The following ATRNL1 variants were observed in gnomAD, a reference collection of about 807,000 sequenced individuals.
ATRNL1 encodes attractin-like protein 1.
In ATRNL1, 95 loss-of-function variants were observed where a neutral mutation model predicts 182.7. The observed-to-expected ratio is 0.52, with a 90% CI of 0.44 to 0.62. The LOEUF (loss-of-function observed/expected upper bound fraction) is 0.62, where lower values mean the gene tolerates loss of function less well. Ranked by LOEUF, ATRNL1 falls within the 20% of genes least tolerant of loss-of-function variation. The probability of loss-of-function intolerance (pLI) is 0.00; values close to 1 mark genes in which losing one functional copy is unlikely to be tolerated. For synonymous variants in ATRNL1, 576 were observed against 568.3 expected (o/e 1.01, Z -0.19); for missense variants, 1,471 against 1,679.5 (o/e 0.88, Z 2.17).
chr10:115,723,126 G>A (rs1339337163), intron 26 of ATRNL1, among the ~76,000 whole-genome samples: 1 of 152,136 alleles, frequency 6.6e-6, no homozygotes, highest in Non-Finnish European at 1.5e-5. Context: ...TCCCAGAAAA[G>A]CATGGAGACA....
At chr10:115,297,394 C>A (rs1853249802) in intron 15 of ATRNL1, among the ~76,000 whole-genome samples, 2 of 152,012 alleles carry the variant, frequency 1.3e-5, no homozygotes, top group South Asian at 2.1e-4. Flanking sequence ...GTAATCCCAG[C>A]ACTTTGGGAG....
intron 5 of ATRNL1, among the ~76,000 whole-genome samples, chr10:115,154,628 G>T (rs750489272): frequency 1.3e-5 from 2 of 152,030 alleles, no homozygotes; most frequent in Non-Finnish European, 2.9e-5. Context: ...CTATCCTGGA[G>T]AACATTTTAT....
At chr10:115,709,368 T>C (rs1468982079) in intron 26 of ATRNL1, among the ~76,000 whole-genome samples, 1 of 151,914 alleles carries the variant, frequency 6.6e-6, no homozygotes, top group Non-Finnish European at 1.5e-5. Flanking sequence ...AGAGCAAATA[T>C]AGTGAACAAA....
At chr10:115,269,663 A>G (rs1470203381) in intron 13 of ATRNL1, among the ~76,000 whole-genome samples, 2 of 152,164 alleles carry the variant, frequency 1.3e-5, no homozygotes, top group Non-Finnish European at 2.9e-5. Flanking sequence ...CTATAGCTTG[A>G]GTAAAAATAA....
chr10:115,347,130 T>C (rs1856012199), intron 19 of ATRNL1, among the ~76,000 whole-genome samples: 1 of 152,196 alleles, frequency 6.6e-6, no homozygotes, highest in African/African-American at 2.4e-5. Context: ...CAAGTTTAGT[T>C]ATTTCACATT....
chr10:115,819,261 G>A (rs1488083550), intron 27 of ATRNL1, among the ~76,000 whole-genome samples: 1 of 151,892 alleles, frequency 6.6e-6, no homozygotes, highest in Non-Finnish European at 1.5e-5. Flanking sequence ...AATGAAGCAT[G>A]TTCAAAATTG....
chr10:115,147,818 A>G (rs1170052642), intron 5 of ATRNL1, among the ~76,000 whole-genome samples: 6 of 152,072 alleles, frequency 3.9e-5, no homozygotes, highest in African/African-American at 9.7e-5. Context: ...TCATTGATCT[A>G]TATGTCTGGT....
chr10:115,435,407 T>C (rs535407019), intron 21 of ATRNL1, among the ~76,000 whole-genome samples: 2 of 152,304 alleles, frequency 1.3e-5, no homozygotes, highest in African/African-American at 4.8e-5. Context: ...TTTGGCCTTC[T>C]GCCATGGGAT....
At chr10:115,874,014 T>C (rs1204613698) in intron 28 of ATRNL1, among the ~76,000 whole-genome samples, 4 of 152,142 alleles carry the variant, frequency 2.6e-5, no homozygotes, top group Non-Finnish European at 4.4e-5. Context: ...AGGATCAAAA[T>C]TGGTATCCAG....
chr10:115,911,200 A>G (rs1431644937), intron 28 of ATRNL1, among the ~76,000 whole-genome samples: 4 of 152,108 alleles, frequency 2.6e-5, no homozygotes, highest in African/African-American at 4.8e-5. Flanking sequence ...GGGCTCTGCC[A>G]TGTTGCCCAG....
At chr10:115,738,589 T>C (rs1948050459) in intron 27 of ATRNL1, among the ~76,000 whole-genome samples, 1 of 152,184 alleles carries the variant, frequency 6.6e-6, no homozygotes, top group Non-Finnish European at 1.5e-5. Flanking sequence ...AAGACCTTTC[T>C]TCACCAAAAC....
intron 5 of ATRNL1, among the ~76,000 whole-genome samples, chr10:115,154,485 C>T (rs1276151103): frequency 3.9e-5 from 6 of 151,918 alleles, no homozygotes; most frequent in African/African-American, 4.8e-5. Flanking sequence ...TACCATTCTT[C>T]GAAGAAGAAA....
intron 24 of ATRNL1, among the ~76,000 whole-genome samples, chr10:115,513,663 C>T (rs1187557153): frequency 1.3e-5 from 2 of 151,920 alleles, no homozygotes; most frequent in Non-Finnish European, 2.9e-5. Context: ...CAAAATCATC[C>T]TTGTATCTGC....
intron 19 of ATRNL1, among the ~76,000 whole-genome samples, chr10:115,381,408 A>G (rs1219544251): frequency 1.7e-5 from 2 of 116,796 alleles, no homozygotes; most frequent in Non-Finnish European, 3.9e-5. Flanking sequence ...CTGGGACTAC[A>G]GGCACATGCC....
In ATRNL1 at chr10:115,228,067, TA is replaced by T. The variant is rs1325606816; in HGVS notation, c.1532+12194del. ...ATATATTATACTTCATAAAAATTTATAAAAAAATAGAAATCTGAGTTCAATT... is the reference window on the plus strand; with the variant it reads ...ATATATTATACTTCATAAAAATTTATAAAAAATAGAAATCTGAGTTCAATT... On this transcript the variant is annotated intron_variant, in intron 9 of 28. Transcript: ENST00000355044. 4.6e-5 allele frequency among the ~76,000 whole-genome samples: 7 copies of T among 152,172 alleles called. No individual in the cohort carries two copies. The South Asian group carries it at 8.3e-4, about 18-fold the overall frequency.
At chr10:115,719,150 G>A (rs369644450) in intron 26 of ATRNL1, among the ~76,000 whole-genome samples, 1 of 152,150 alleles carries the variant, frequency 6.6e-6, no homozygotes. Flanking sequence ...AAGCTATTCA[G>A]GATCATCCTT....
chr10:115,293,561 T>C (rs1400900928), intron 15 of ATRNL1, among the ~76,000 whole-genome samples: 1 of 152,190 alleles, frequency 6.6e-6, no homozygotes, highest in South Asian at 2.1e-4. Context: ...CCAGTGAGTT[T>C]TATAATTTTG....
intron 10 of ATRNL1, among the ~76,000 whole-genome samples, chr10:115,244,854 A>G (rs188886957): frequency 1.3e-5 from 2 of 152,320 alleles, no homozygotes; most frequent in Non-Finnish European, 2.9e-5. Flanking sequence ...TTCTTAATCA[A>G]AAAGATAATA....
intron 26 of ATRNL1, among the ~76,000 whole-genome samples, chr10:115,650,050 T>A (rs1555033908): frequency 1.3e-5 from 2 of 152,252 alleles, no homozygotes; most frequent in South Asian, 2.1e-4. Flanking sequence ...TTTCTGTGCT[T>A]ATGAGTTTTA....
Sources: gnomAD v4.1 joint callset for allele counts (sites outside exome capture counted in the v4.1 genomes callset) on GRCh38, gnomAD v4.1.1 for gene constraint, MANE v1.5 for transcripts, NCBI Gene and HGNC (gene_info 2026-07-23, HGNC 2026-07-21) for gene names.